The following PRIM2 variants were observed in gnomAD, a reference collection of about 807,000 sequenced individuals.
The protein encoded by PRIM2 is DNA primase large subunit.
In PRIM2, 39 loss-of-function variants were observed where a neutral mutation model predicts 67.3. The observed-to-expected ratio is 0.58, with a 90% CI of 0.45 to 0.76. PRIM2 has a LOEUF of 0.76. PRIM2 is among the 30% of genes least tolerant of loss of function. The pLI is 0.00. For missense variants in PRIM2, 398 were observed against 598.7 expected (o/e 0.66, Z 3.50); for synonymous variants, 143 against 198.7 (o/e 0.72, Z 2.36).
intron 7 of PRIM2, among the ~76,000 whole-genome samples, chr6:57,395,745 G>A (rs1177372172): frequency 6.6e-6 from 1 of 152,090 alleles, no homozygotes; most frequent in Admixed American, 6.5e-5. Context: ...TCCTTGAGGT[G>A]TGACCTTAGA....
chr6:57,508,739 TTTG>T (rs1774299334), intron 8 of PRIM2, among the ~76,000 whole-genome samples: 1 of 152,186 alleles, frequency 6.6e-6, no homozygotes, highest in Admixed American at 6.5e-5. Flanking sequence ...TCCTGTGCAT[TTTG>T]TTGGTAATAA....
chr6:57,306,301 T>C, the PRIM2 span, among the ~76,000 whole-genome samples: 1 of 152,146 alleles, frequency 6.6e-6, no homozygotes, highest in Non-Finnish European at 1.5e-5. Context: ...GCCAGACTAG[T>C]GCATCCAAAT....
chr6:57,332,481 A>C (rs951225456), intron 5 of PRIM2, among the ~76,000 whole-genome samples: 1 of 152,120 alleles, frequency 6.6e-6, no homozygotes, highest in Non-Finnish European at 1.5e-5. Context: ...AAAGTCTTCA[A>C]CTGTTATTGT....
At chr6:57,325,865 C>T (rs1581791807) in intron 4 of PRIM2, 60 bp from the exon 5 acceptor site, 1 of 1,478,962 alleles carries the variant, frequency 6.8e-7, no homozygotes, top group Non-Finnish European at 9.1e-7. Flanking sequence ...ATAAACATTT[C>T]TTAGATTTAA....
chr6:57,488,956 A>G (rs1773815240), intron 7 of PRIM2, among the ~76,000 whole-genome samples: 2 of 152,002 alleles, frequency 1.3e-5, no homozygotes, highest in African/African-American at 4.8e-5. Context: ...AAAGAAATAA[A>G]CCTCCAGCCC....
At chr6:57,475,538 C>CT (rs1222742787) in intron 7 of PRIM2, among the ~76,000 whole-genome samples, 2 of 152,152 alleles carry the variant, frequency 1.3e-5, no homozygotes, top group Non-Finnish European at 2.9e-5. Context: ...GTACTCCATT[C>CT]TTTTTTACTG....
chr6:57,260,838 T>C, the PRIM2 span, among the ~76,000 whole-genome samples: 1 of 152,016 alleles, frequency 6.6e-6, no homozygotes, highest in Non-Finnish European at 1.5e-5. Context: ...ATTGATAAAA[T>C]AGCTACAGCA....
At chr6:57,232,349 G>C in the PRIM2 span, among the ~76,000 whole-genome samples, 1 of 152,254 alleles carries the variant, frequency 6.6e-6, no homozygotes, top group South Asian at 2.1e-4. Context: ...TCAGGAGTTC[G>C]AGACCAGCCT....
the PRIM2 span, among the ~76,000 whole-genome samples, chr6:57,246,877 C>T: frequency 6.8e-6 from 1 of 146,832 alleles, no homozygotes; most frequent in Non-Finnish European, 1.5e-5. Context: ...TTTTTTGAGA[C>T]GGAGTCTCAC....
At chr6:57,539,654 G>GTA (rs1412839076) in intron 10 of PRIM2, among the ~76,000 whole-genome samples, 25 of 55,868 alleles carry the variant, frequency 4.5e-4, no homozygotes, top group East Asian at 6.8e-4. Flanking sequence ...GTGTGTGTGT[G>GTA]TGTATATATA....
intron 4 of PRIM2, 38 bp from the exon 5 acceptor site, chr6:57,325,887 T>C: frequency 6.5e-7 from 1 of 1,528,240 alleles, no homozygotes; most frequent in South Asian, 1.3e-5. Flanking sequence ...AATTACTGGA[T>C]TTTTAGTTTG....
At chr6:57,454,919 A>C (rs1772707059) in intron 7 of PRIM2, among the ~76,000 whole-genome samples, 1 of 152,104 alleles carries the variant, frequency 6.6e-6, no homozygotes, top group African/African-American at 2.4e-5. Flanking sequence ...TCATGTGGGC[A>C]TTTAGTGCTA....
chr6:57,601,094 T>G lies in PRIM2; in HGVS notation c.1022T>G (p.Phe341Cys). The G allele has an allele frequency of 6.2e-7, 1 of 1,607,210 alleles. No homozygotes were observed. Among genetic ancestry groups the G allele is most frequent in the Non-Finnish European group, 8.5e-7 (1 of 1,176,504 alleles). The change falls in exon 11 of 14, where the codon TTT becomes TGT. Residue 341 changes from phenylalanine (F) to cysteine (C), a missense_variant and splice_region_variant. Around this residue, in one of 4 missense-constraint regions of PRIM2, gnomAD observed 229 missense variants for 383.6 expected, o/e 0.60. Coordinates refer to ENST00000615550, the MANE Select transcript of PRIM2 (RefSeq NM_000947.5). ...CTTTTTCCATTTCCTCCCAATCAGTTTGATAAAGGTTACTCTTACAACATC... is the reference window on the plus strand; with the variant it reads ...CTTTTTCCATTTCCTCCCAATCAGTGTGATAAAGGTTACTCTTACAACATC... ...FIKGKMDPDK[F>C]DKGYSYNIRH... is the part of the protein sequence containing the mutation.
At chr6:57,319,893 A>G (rs1488420003) in intron 2 of PRIM2, among the ~76,000 whole-genome samples, 2 of 152,014 alleles carry the variant, frequency 1.3e-5, no homozygotes, top group African/African-American at 4.8e-5. Flanking sequence ...TCTTGACTTC[A>G]AAAATGCCTC....
chr6:57,498,716 G>A (rs1554346578), intron 7 of PRIM2, among the ~76,000 whole-genome samples: 5 of 152,112 alleles, frequency 3.3e-5, no homozygotes, highest in Non-Finnish European at 7.4e-5. Flanking sequence ...TCATTTTTAT[G>A]TGTTTTAATT....
the PRIM2 span, among the ~76,000 whole-genome samples, chr6:57,232,283 T>C: frequency 0.6 from 91,988 of 152,172 alleles, 29,254 homozygotes; most frequent in South Asian, 0.77. Flanking sequence ...CTGGGCGTGG[T>C]GGCTCACGCC....
intron 10 of PRIM2, among the ~76,000 whole-genome samples, chr6:57,595,948 T>C (rs1314111452): frequency 6.6e-6 from 1 of 152,136 alleles, no homozygotes; most frequent in Non-Finnish European, 1.5e-5. Context: ...CTTCTAATTA[T>C]GGCTTGGTCT....
chr6:57,631,360 T>C (rs1777036298), intron 12 of PRIM2, among the ~76,000 whole-genome samples: 1 of 152,176 alleles, frequency 6.6e-6, no homozygotes, highest in African/African-American at 2.4e-5. Context: ...TTTTATTTAT[T>C]TGAGGGCTTG....
At chr6:57,296,212 C>T in the PRIM2 span, among the ~76,000 whole-genome samples, 1 of 152,048 alleles carries the variant, frequency 6.6e-6, no homozygotes, top group African/African-American at 2.4e-5. Context: ...AAAAGCTGTG[C>T]ACAAATAGAA....
Sources: allele counts gnomAD v4.1 joint callset (sites outside exome capture counted in the v4.1 genomes callset), GRCh38; gene constraint gnomAD v4.1.1; regional missense constraint gnomAD v4.1.1; transcripts MANE v1.5; gene names NCBI Gene and HGNC (gene_info 2026-07-23, HGNC 2026-07-21).